PBX3: variants seen among roughly 807,000 people sequenced by gnomAD.
PBX3 encodes pre-B-cell leukemia transcription factor 3.
In PBX3, 14 loss-of-function variants were observed where a neutral mutation model predicts 48.5. That is an observed-to-expected ratio of 0.29 (90% CI 0.19 to 0.45). The LOEUF is 0.45. PBX3 is among the 20% of genes least tolerant of loss of function. The pLI is 1.00. For missense variants in PBX3, 386 were observed against 546.7 expected, an observed-to-expected ratio of 0.71 and a Z score of 2.93; for synonymous variants, 210 against 200.3, an observed-to-expected ratio of 1.05 and a Z score of -0.41.
At chr9:125,874,303 G>A (rs748986661) in intron 2 of PBX3, among the ~76,000 whole-genome samples, 4 of 152,092 alleles carry the variant, frequency 2.6e-5, no homozygotes, top group Non-Finnish European at 5.9e-5. Flanking sequence ...ATTATATACC[G>A]TTGTAAACAA....
intron 2 of PBX3, among the ~76,000 whole-genome samples, chr9:125,760,537 T>C (rs1448486799): frequency 6.6e-6 from 1 of 152,208 alleles, no homozygotes; most frequent in African/African-American, 2.4e-5. Flanking sequence ...ATACCACTAT[T>C]AGAATTCTAT....
intron 2 of PBX3, among the ~76,000 whole-genome samples, chr9:125,901,887 A>C (rs149849496): frequency 6.6e-6 from 1 of 151,698 alleles, no homozygotes; most frequent in Non-Finnish European, 1.5e-5. Flanking sequence ...CTCCAGATCA[A>C]GTGTGAAAAG....
At chr9:125,852,958 C>T (rs1008632281) in intron 2 of PBX3, among the ~76,000 whole-genome samples, 1 of 152,088 alleles carries the variant, frequency 6.6e-6, no homozygotes, top group Non-Finnish European at 1.5e-5. Flanking sequence ...TTGTATAAGG[C>T]AAGTAGATTG....
chr9:125,919,793 TA>T (rs1413070750), intron 3 of PBX3, among the ~76,000 whole-genome samples: 1 of 152,214 alleles, frequency 6.6e-6, no homozygotes, highest in African/African-American at 2.4e-5. Flanking sequence ...TGCAGTAAAT[TA>T]AAGTACCTTA....
chr9:125,823,542 T>C (rs1325984814), intron 2 of PBX3, among the ~76,000 whole-genome samples: 2 of 151,648 alleles, frequency 1.3e-5, no homozygotes, highest in Non-Finnish European at 2.9e-5. Context: ...ACTTTTTTTT[T>C]TGGTAATAGT....
intron 2 of PBX3, among the ~76,000 whole-genome samples, chr9:125,777,255 TGCCTGGCCCA>T (rs1295178034): frequency 2.0e-5 from 3 of 152,046 alleles, no homozygotes; most frequent in South Asian, 4.2e-4. Flanking sequence ...TCAGGTAATC[TGCCTGGCCCA>T]GCCACCCAAC....
rs117531744 is a variant in PBX3, at chr9:125,804,549, A to G, written c.274+55926A>G. Among the ~76,000 whole-genome samples, 10 of 152,300 alleles carry G rather than the reference A, an allele frequency of 6.6e-5. No individual in the cohort carries two copies. The East Asian group carries it at 1.7e-3, about 26-fold the overall frequency. On this transcript the variant is annotated intron_variant, in intron 2 of 8. Transcript: ENST00000373489. The stretch of plus-strand genomic sequence containing the variant: ...TCATGTTAAAATCTCCTTCTGTCCC[A>G]TCTCTGCTAAATGATGATTTAGTGT...
At chr9:125,897,651 A>G (rs1054023112) in intron 2 of PBX3, among the ~76,000 whole-genome samples, 1 of 151,928 alleles carries the variant, frequency 6.6e-6, no homozygotes, top group Non-Finnish European at 1.5e-5. Context: ...TTGTACTTCT[A>G]GTTTATATAG....
At chr9:125,947,700 A>C (rs1842095696) in intron 5 of PBX3, among the ~76,000 whole-genome samples, 1 of 152,146 alleles carries the variant, frequency 6.6e-6, no homozygotes, top group Non-Finnish European at 1.5e-5. Flanking sequence ...ATCACATTAA[A>C]GTAAATGAAT....
At chr9:125,779,660 T>C (rs1837186418) in intron 2 of PBX3, among the ~76,000 whole-genome samples, 1 of 134,084 alleles carries the variant, frequency 7.5e-6, no homozygotes, top group Non-Finnish European at 1.5e-5. Flanking sequence ...TGTCTACTTC[T>C]TTCTACACAG....
intron 5 of PBX3, 111 bp downstream of exon 5, chr9:125,935,718 G>A: frequency 9.4e-7 from 1 of 1,064,036 alleles, no homozygotes; most frequent in Non-Finnish European, 1.3e-6. Context: ...CATCAAAAAA[G>A]ATATAAGGAA....
chr9:125,943,039 A>ACT (rs1841989782), intron 5 of PBX3, among the ~76,000 whole-genome samples: 1 of 152,074 alleles, frequency 6.6e-6, no homozygotes, highest in Non-Finnish European at 1.5e-5. Flanking sequence ...AATCTCTAAC[A>ACT]CTCAGTTGAT....
intron 2 of PBX3, among the ~76,000 whole-genome samples, chr9:125,912,513 A>G (rs1056938742): frequency 6.6e-6 from 1 of 152,202 alleles, no homozygotes; most frequent in Admixed American, 6.5e-5. Context: ...AAGATATGCA[A>G]AAACTGTAGG....
intron 7 of PBX3, among the ~76,000 whole-genome samples, chr9:125,962,746 C>G (rs2118826076): frequency 6.6e-6 from 1 of 152,258 alleles, no homozygotes; most frequent in South Asian, 2.1e-4. Flanking sequence ...GGCTTTCACC[C>G]ACAGCCACAT....
At chr9:125,891,852 C>T (rs952379729) in intron 2 of PBX3, among the ~76,000 whole-genome samples, 6 of 152,278 alleles carry the variant, frequency 3.9e-5, no homozygotes, top group African/African-American at 1.4e-4. Context: ...TGCATTTCAT[C>T]TTTAATTTTA....
intron 2 of PBX3, 193 bp downstream of exon 2, chr9:125,748,816 A>G: frequency 6.2e-6 from 3 of 486,258 alleles, no homozygotes. Context: ...CTCCTGGTGT[A>G]AAATGAAGTG....
chr9:125,792,695 T>C (rs1837645921), intron 2 of PBX3, among the ~76,000 whole-genome samples: 1 of 136,162 alleles, frequency 7.3e-6, no homozygotes, highest in East Asian at 2.2e-4. Context: ...TATTGAGGTA[T>C]ACTTAATTTT....
In PBX3 at chr9:125,891,839, A is replaced by G. The variant is rs972294998; in HGVS notation, c.275-23847A>G. The stretch of plus-strand genomic sequence containing the variant: ...ATTTAAGAGTTAAGGGACTACTATT[A>G]TGTGCATTTCATCTTTAATTTTACC... On this transcript the variant is annotated intron_variant, in intron 2 of 8. Coordinates refer to ENST00000373489, the MANE Select transcript of PBX3 (RefSeq NM_006195.6). Among the ~76,000 whole-genome samples the G allele has an allele frequency of 3.3e-5, 5 of 152,214 alleles. No homozygotes were observed. In the East Asian group the frequency reaches 5.8e-4, roughly 18 times the overall value.
intron 5 of PBX3, among the ~76,000 whole-genome samples, chr9:125,940,806 A>G (rs188131582): frequency 6.6e-6 from 1 of 152,348 alleles, no homozygotes; most frequent in Admixed American, 6.5e-5. Context: ...TGGGGGTTAG[A>G]AATCAGATTA....
Sources: allele counts gnomAD v4.1 joint callset (sites outside exome capture counted in the v4.1 genomes callset), GRCh38; gene constraint gnomAD v4.1.1; transcripts MANE v1.5; gene names NCBI Gene and HGNC (gene_info 2026-07-23, HGNC 2026-07-21).